ARHGEF3: variants seen among roughly 807,000 people sequenced by gnomAD.
ARHGEF3 encodes the protein 59.8 kDA protein.
A neutral mutation model predicts 63.2 loss-of-function variants in ARHGEF3; 28 were observed. The observed-to-expected ratio is 0.44, with a 90% CI of 0.33 to 0.61. ARHGEF3 has a LOEUF of 0.61. Ranked by LOEUF, ARHGEF3 falls within the 20% of genes least tolerant of loss-of-function variation. The pLI, the probability that ARHGEF3 is intolerant of heterozygous loss-of-function variation, is 0.03. For synonymous variants in ARHGEF3, 266 were observed against 254.2 expected (o/e 1.05, Z -0.44); for missense variants, 533 against 659.3 (o/e 0.81, Z 2.10).
chr3:57,021,897 C>T (rs1000316730), intron 2 of ARHGEF3, among the ~76,000 whole-genome samples: 2 of 151,954 alleles, frequency 1.3e-5, no homozygotes, highest in South Asian at 2.1e-4. Flanking sequence ...TCCCTCCCTA[C>T]AAAAATATAG....
At position 56,867,939 on chromosome 3, in the gene ARHGEF3, A is replaced by G. The variant is rs544131973; in HGVS notation, c.192+14353T>C. ...GTGATAATGGTGTGATTCTGGCTCT[A>G]TTTATCAAACCATCACACTCTTGAT... On this transcript the variant is annotated intron_variant, in intron 4 of 12. Coordinates refer to the ARHGEF3 transcript ENST00000338458. 2.0e-3 allele frequency among the ~76,000 whole-genome samples: 304 copies of G among 152,300 alleles called. 2 individuals carry two copies. Among genetic ancestry groups the G allele is most frequent in the Non-Finnish European group, 3.8e-3 (258 of 68,016 alleles).
At chr3:57,063,602 G>A (rs1040537463) in intron 1 of ARHGEF3, among the ~76,000 whole-genome samples, 5 of 152,184 alleles carry the variant, frequency 3.3e-5, no homozygotes, top group Non-Finnish European at 7.4e-5. Context: ...GGAGGTTGGG[G>A]TGCTCCTTAA....
chr3:57,053,096 G>A (rs1704744982), intron 1 of ARHGEF3, among the ~76,000 whole-genome samples: 1 of 152,200 alleles, frequency 6.6e-6, no homozygotes, highest in Admixed American at 6.5e-5. Flanking sequence ...CTGCTAGGCA[G>A]GTTCCCATAT....
chr3:57,001,616 G>C (rs1560121641), intron 2 of ARHGEF3, among the ~76,000 whole-genome samples: 1 of 152,178 alleles, frequency 6.6e-6, no homozygotes, highest in Non-Finnish European at 1.5e-5. Context: ...GAAAGACTTT[G>C]TTTTCCTGAT....
intron 1 of ARHGEF3, among the ~76,000 whole-genome samples, chr3:56,792,235 T>C (rs748812947): frequency 6.6e-6 from 1 of 152,224 alleles, no homozygotes; most frequent in Non-Finnish European, 1.5e-5. Context: ...GATTGCAACA[T>C]GCCTGTCCCC....
chr3:56,913,176 A>AC, intron 3 of ARHGEF3, among the ~76,000 whole-genome samples: 1 of 151,952 alleles, frequency 6.6e-6, no homozygotes, highest in Non-Finnish European at 1.5e-5. Flanking sequence ...CAACAACAAA[A>AC]AAAACTATGT....
intron 8 of ARHGEF3, among the ~76,000 whole-genome samples, chr3:56,734,952 T>TA (rs984295250): frequency 2.0e-5 from 3 of 152,158 alleles, no homozygotes; most frequent in Non-Finnish European, 2.9e-5. Context: ...ATCAATCTTC[T>TA]AGCCAAGGTG....
At chr3:56,852,215 G>C (rs1398653851) in intron 4 of ARHGEF3, among the ~76,000 whole-genome samples, 1 of 152,202 alleles carries the variant, frequency 6.6e-6, no homozygotes, top group Non-Finnish European at 1.5e-5. Flanking sequence ...CCCTAGTGTA[G>C]AAGTGAGAAT....
chr3:57,072,214 T>A (rs1705946455), intron 1 of ARHGEF3, among the ~76,000 whole-genome samples: 1 of 152,182 alleles, frequency 6.6e-6, no homozygotes, highest in African/African-American at 2.4e-5. Flanking sequence ...GTTTGGCAGT[T>A]CCTCAAAATG....
intron 2 of ARHGEF3, among the ~76,000 whole-genome samples, chr3:57,000,124 G>C (rs573067385): frequency 6.6e-6 from 1 of 152,082 alleles, no homozygotes; most frequent in Non-Finnish European, 1.5e-5. Flanking sequence ...ATGCTTGCCC[G>C]AGTGCCTGGC....
intron 2 of ARHGEF3, among the ~76,000 whole-genome samples, chr3:57,006,770 A>T (rs913653428): frequency 2.0e-5 from 3 of 152,000 alleles, no homozygotes; most frequent in African/African-American, 4.8e-5. Flanking sequence ...ACACTTTCTC[A>T]TGCCCGCCTG....
chr3:56,866,455 A>G (rs933394289), intron 4 of ARHGEF3, among the ~76,000 whole-genome samples: 1 of 152,214 alleles, frequency 6.6e-6, no homozygotes, highest in Non-Finnish European at 1.5e-5. Context: ...CTGGACAGAA[A>G]GCAGGGAAGC....
intron 1 of ARHGEF3, chr3:57,060,680 T>G (rs1158078546): frequency 5.3e-5 from 8 of 151,914 alleles, no homozygotes. Flanking sequence ...ACTGAGAAAA[T>G]TCTTTGTGCA....
intron 2 of ARHGEF3, among the ~76,000 whole-genome samples, chr3:57,012,054 TGCTCC>T (rs1287833988): frequency 1.3e-5 from 2 of 152,126 alleles, no homozygotes; most frequent in Admixed American, 1.3e-4. Flanking sequence ...CTTGAGGGGC[TGCTCC>T]CAACGAGCTG....
rs542728866 is a variant in ARHGEF3 at position 56,883,469 on chromosome 3, T to G, written c.130-1115A>C. 3.9e-5 allele frequency among the ~76,000 whole-genome samples: 6 copies of G among 152,114 alleles called. 1 individual carries two copies. In the South Asian group the frequency reaches 1.2e-3, roughly 32 times the overall value. On this transcript the variant is annotated intron_variant, in intron 3 of 12. Coordinates refer to the ARHGEF3 transcript ENST00000338458. The stretch of plus-strand genomic sequence containing the variant: ...AGCACACCACCACACTGGGCTAATT[T>G]TAGTTTTTGTAGAGAGGGGGTCTTG...
At chr3:57,032,096 A>G (rs1703757092) in intron 2 of ARHGEF3, among the ~76,000 whole-genome samples, 1 of 152,182 alleles carries the variant, frequency 6.6e-6, no homozygotes, top group African/African-American at 2.4e-5. Context: ...GGGGAGGGCA[A>G]GTGAAGTACT....
chr3:56,893,064 C>G (rs955272943), intron 3 of ARHGEF3, among the ~76,000 whole-genome samples: 2 of 152,248 alleles, frequency 1.3e-5, no homozygotes, highest in Non-Finnish European at 2.9e-5. Flanking sequence ...CTTGTACAAC[C>G]ATTTGGTGTT....
At chr3:56,836,859 C>T (rs928053014) in intron 4 of ARHGEF3, among the ~76,000 whole-genome samples, 5 of 151,980 alleles carry the variant, frequency 3.3e-5, no homozygotes, top group African/African-American at 4.8e-5. Context: ...CCTGAGAGGT[C>T]GAGGCTGCAG....
Position 56,949,418 on chromosome 3 carries a change from C to T in ARHGEF3, c.129+9405G>A, listed in dbSNP as rs890289990. On this transcript the variant is annotated intron_variant, in intron 3 of 12. Transcript: ENST00000338458. ...CCCAAAATCTCCTTAAGCTGATAGG[C>T]AACTTCAGCAAAGTCTCAGGATACA... 7.2e-5 allele frequency among the ~76,000 whole-genome samples: 11 copies of T among 151,960 alleles called. 1 individual carries two copies. The highest frequency in any genetic ancestry group is 2.7e-4 in the African/African-American group (11 of 41,286).
Sources: allele counts gnomAD v4.1 joint callset (sites outside exome capture counted in the v4.1 genomes callset), GRCh38; gene constraint gnomAD v4.1.1; transcripts MANE v1.5; gene names NCBI Gene and HGNC (gene_info 2026-07-23, HGNC 2026-07-21).